Variants in INPP4B observed in about 807,000 individuals in gnomAD.
INPP4B encodes inositol polyphosphate-4-phosphatase type II B, also known as inositol polyphosphate 4-phosphatase type II.
Under a neutral mutation model 122.5 loss-of-function variants are expected in INPP4B, and 55 were observed. The ratio of observed to expected loss-of-function variants is 0.45; its 90% CI spans 0.36 to 0.56. INPP4B has a LOEUF of 0.56. INPP4B is among the 20% of genes least tolerant of loss of function. INPP4B has a pLI of 0.00. For synonymous variants in INPP4B, 403 were observed against 388.7 expected, an observed-to-expected ratio of 1.04 and a Z score of -0.43; for missense variants, 1,000 against 1,097.7, an observed-to-expected ratio of 0.91 and a Z score of 1.26.
At chr4:142,416,717 G>A (rs1291406506) in intron 5 of INPP4B, among the ~76,000 whole-genome samples, 1 of 152,108 alleles carries the variant, frequency 6.6e-6, no homozygotes, top group Non-Finnish European at 1.5e-5. Flanking sequence ...GCTTAAAGAA[G>A]ATAACTCCAG....
At chr4:142,680,887 ACAAACACCCACGACACT>A (rs1044673920) in intron 2 of INPP4B, among the ~76,000 whole-genome samples, 2 of 151,860 alleles carry the variant, frequency 1.3e-5, no homozygotes, top group African/African-American at 4.8e-5. Flanking sequence ...GATGGGCTTT[ACAAACACCCACGACACT>A]CAAACATCCA....
intron 2 of INPP4B, among the ~76,000 whole-genome samples, chr4:142,531,234 AG>A (rs892938385): frequency 6.6e-6 from 1 of 151,534 alleles, no homozygotes; most frequent in Non-Finnish European, 1.5e-5. Context: ...ATGACTTAAA[AG>A]GGGTCACTCT....
At chr4:142,158,976 A>G (rs976886582) in intron 17 of INPP4B, among the ~76,000 whole-genome samples, 2 of 152,058 alleles carry the variant, frequency 1.3e-5, no homozygotes, top group Non-Finnish European at 2.9e-5. Context: ...AAAATTCACA[A>G]TCCACATTGT....
At chr4:142,462,470 A>G (rs1257547381) in intron 3 of INPP4B, among the ~76,000 whole-genome samples, 193 bp downstream of exon 3, 2 of 152,200 alleles carry the variant, frequency 1.3e-5, no homozygotes, top group Non-Finnish European at 2.9e-5. Flanking sequence ...AAAACCCTCA[A>G]AATTGGTTTA....
In INPP4B at chr4:142,062,984, C is replaced by T. The variant is rs191355309; in HGVS notation, c.2642+19047G>A. Among the ~76,000 whole-genome samples the T allele has an allele frequency of 1.8e-4, 28 of 152,150 alleles. No individual in the cohort carries two copies. In the East Asian group the frequency reaches 4.3e-3, roughly 23 times the overall value. On this transcript the variant is annotated intron_variant, in intron 25 of 25. Transcript: ENST00000262992. ...GCACTTCAATATAATTTTTGTTTAA[C>T]GTTGAAATACTGAACCTTGAATTTA... is the stretch of plus-strand genomic sequence containing the variant.
At chr4:142,592,402 G>A (rs1269603245) in intron 2 of INPP4B, among the ~76,000 whole-genome samples, 1 of 151,914 alleles carries the variant, frequency 6.6e-6, no homozygotes, top group Admixed American at 6.6e-5. Flanking sequence ...GTTTTTTAAG[G>A]TAAATGAAAC....
chr4:142,510,471 G>A (rs770420015), intron 2 of INPP4B, among the ~76,000 whole-genome samples: 4 of 152,120 alleles, frequency 2.6e-5, no homozygotes, highest in Admixed American at 1.3e-4. Flanking sequence ...GTGGCACATT[G>A]ATCTCATTTT....
At chr4:142,485,311 T>C (rs964254615) in intron 2 of INPP4B, among the ~76,000 whole-genome samples, 1 of 152,036 alleles carries the variant, frequency 6.6e-6, no homozygotes, top group Admixed American at 6.6e-5. Context: ...CCAACCAACC[T>C]TAAGTATTTA....
At chr4:142,238,609 T>C (rs1185681024) in intron 11 of INPP4B, among the ~76,000 whole-genome samples, 6 of 152,088 alleles carry the variant, frequency 3.9e-5, no homozygotes, top group African/African-American at 1.4e-4. Flanking sequence ...ATACCAAGCA[T>C]ACTTTAGTGC....
intron 11 of INPP4B, among the ~76,000 whole-genome samples, chr4:142,253,250 G>A (rs776661522): frequency 5.9e-5 from 9 of 152,162 alleles, no homozygotes; most frequent in Non-Finnish European, 1.0e-4. Context: ...TGAAGTCCTA[G>A]AACATTACCA....
intron 7 of INPP4B, among the ~76,000 whole-genome samples, chr4:142,384,619 T>C (rs1795321666): frequency 6.6e-6 from 1 of 152,220 alleles, no homozygotes; most frequent in Non-Finnish European, 1.5e-5. Context: ...AGTCCATCAT[T>C]GATCAAAACA....
chr4:142,531,938 C>T (rs1827665363), intron 2 of INPP4B, among the ~76,000 whole-genome samples: 1 of 152,092 alleles, frequency 6.6e-6, no homozygotes, highest in Non-Finnish European at 1.5e-5. Context: ...TATCCAATTT[C>T]ACCATGTTAA....
Position 142,647,916 on chromosome 4 carries a change from G to C in INPP4B, c.-191+77923C>G, listed in dbSNP as rs552443059. Reference sequence around the variant, plus strand: ...CGTTGTTTTCCACCGTTTGTAGTAAGTGACTATCAGTTGATTGACTGTGTA... The same window carrying C: ...CGTTGTTTTCCACCGTTTGTAGTAACTGACTATCAGTTGATTGACTGTGTA... On this transcript the variant is annotated intron_variant, in intron 2 of 25. Coordinates refer to ENST00000262992, the MANE Select transcript of INPP4B (RefSeq NM_001101669.3). Among the ~76,000 whole-genome samples the C allele has an allele frequency of 7.2e-5, 11 of 152,330 alleles. No individual in the cohort carries two copies. In the South Asian group the frequency reaches 2.3e-3, roughly 32 times the overall value.
At chr4:142,237,209 T>A (rs1314081521) in intron 12 of INPP4B, among the ~76,000 whole-genome samples, 1 of 152,086 alleles carries the variant, frequency 6.6e-6, no homozygotes, top group Non-Finnish European at 1.5e-5. Context: ...TCGCTACAAA[T>A]GAGAAGTCCA....
At chr4:142,308,730 A>T (rs1165437350) in intron 8 of INPP4B, among the ~76,000 whole-genome samples, 1 of 151,630 alleles carries the variant, frequency 6.6e-6, no homozygotes, top group Non-Finnish European at 1.5e-5. Flanking sequence ...AATTTATTTA[A>T]TTTTTTAATA....
intron 12 of INPP4B, among the ~76,000 whole-genome samples, chr4:142,223,605 C>G (rs564709700): frequency 1.3e-5 from 2 of 152,246 alleles, no homozygotes; most frequent in South Asian, 4.1e-4. Flanking sequence ...ACACTAAGTG[C>G]TCTACAGGAC....
chr4:142,269,866 T>G (rs1435314123), intron 10 of INPP4B, among the ~76,000 whole-genome samples: 1 of 152,178 alleles, frequency 6.6e-6, no homozygotes, highest in African/African-American at 2.4e-5. Flanking sequence ...TTTTTTAAAA[T>G]GCTCATTTAT....
At chr4:142,319,745 T>C (rs948866074) in intron 7 of INPP4B, among the ~76,000 whole-genome samples, 2 of 151,976 alleles carry the variant, frequency 1.3e-5, no homozygotes, top group African/African-American at 4.8e-5. Context: ...TGCACCGGAG[T>C]CCCAAAATTA....
At chr4:142,067,719 G>GA (rs1764394810) in intron 25 of INPP4B, among the ~76,000 whole-genome samples, 1 of 152,184 alleles carries the variant, frequency 6.6e-6, no homozygotes, top group Non-Finnish European at 1.5e-5. Flanking sequence ...TCAAGTGGAA[G>GA]AAAGGGTATC....
Sources: allele counts gnomAD v4.1 joint callset (sites outside exome capture counted in the v4.1 genomes callset), GRCh38; gene constraint gnomAD v4.1.1; transcripts MANE v1.5; gene names NCBI Gene and HGNC (gene_info 2026-07-23, HGNC 2026-07-21).